The following RNF170 variants were observed in gnomAD, a reference collection of about 807,000 sequenced individuals.
RNF170 encodes ring finger protein 170, also known as E3 ubiquitin-protein ligase RNF170.
RNF170 carries 12 observed loss-of-function variants against 32.7 expected under a neutral mutation model. The observed-to-expected ratio is 0.37, with a 90% CI of 0.24 to 0.60. The LOEUF (loss-of-function observed/expected upper bound fraction) is 0.60. RNF170 is among the 20% of genes least tolerant of loss of function. The pLI is 0.72. For missense variants in RNF170, 212 were observed against 311.2 expected (o/e 0.68, Z 2.40); for synonymous variants, 91 against 103.6 (o/e 0.88, Z 0.74).
At position 42,854,182 on chromosome 8, in the gene RNF170, G is replaced by A; in HGVS notation, c.*1977C>T. ...AATTCGGATTCATGTCATCTCCACA[G>A]ACCTTTCCTCTTAGGAGTGCCTAAG... is the stretch of plus-strand genomic sequence containing the variant. On this transcript the variant is annotated 3_prime_UTR_variant, in exon 7 of 7. Coordinates refer to ENST00000527424, the MANE Select transcript of RNF170 (RefSeq NM_030954.4). 7.8e-7 allele frequency: 1 copy of A among 1,287,054 alleles called. No individual in the cohort carries two copies. The highest frequency in any genetic ancestry group is 1.0e-6 in the Non-Finnish European group (1 of 988,662). The allele number at this position is 1,287,054 out of a possible 1,614,324, so 79.7% of individuals were successfully genotyped here.
intron 2 of RNF170, among the ~76,000 whole-genome samples, chr8:42,875,396 C>G (rs139117125): frequency 1.3e-5 from 2 of 152,074 alleles, no homozygotes; most frequent in African/African-American, 4.8e-5. Flanking sequence ...ACTCTCATAT[C>G]CGAATGTGAT....
At chr8:42,895,979 A>C (rs1302570046) in intron 1 of RNF170, among the ~76,000 whole-genome samples, 1 of 152,194 alleles carries the variant, frequency 6.6e-6, no homozygotes, top group East Asian at 1.9e-4. Context: ...TGTATGTCGT[A>C]TGCACTTTTC....
upstream of RNF170, chr8:42,897,171 G>A: frequency 6.4e-6 from 8 of 1,248,690 alleles, 1 homozygote; most frequent in South Asian, 3.2e-4. Flanking sequence ...GGAGCTGTGC[G>A]AGAGCCTCCT....
At chr8:42,888,961 G>A (rs2128954331) in intron 1 of RNF170, among the ~76,000 whole-genome samples, 1 of 152,056 alleles carries the variant, frequency 6.6e-6, no homozygotes, top group East Asian at 1.9e-4. Flanking sequence ...TTTTCTGTAA[G>A]CATTCTCATA....
At chr8:42,857,153 G>A (rs187734084) in intron 6 of RNF170, among the ~76,000 whole-genome samples, 4 of 152,278 alleles carry the variant, frequency 2.6e-5, no homozygotes, top group African/African-American at 9.6e-5. Context: ...AGTCATACAC[G>A]CAAACTCTAG....
At chr8:42,880,423 T>A (rs1805298996) in intron 2 of RNF170, among the ~76,000 whole-genome samples, 1 of 152,190 alleles carries the variant, frequency 6.6e-6, no homozygotes. Context: ...TACAGAGAAA[T>A]CTTTTGTGAA....
rs1189122588 is a variant in RNF170 at position 42,861,746 on chromosome 8, G to C, written c.506C>G (p.Ser169Cys). ...TGAACATGCTTTAGCATTACTTACA[G>C]ATCTGGGTTGCCCTGAGAATCTCCG... Reference protein sequence around the residue: ...YNRRFSGQPRSIMERIMDLPT... With the variant: ...YNRRFSGQPRCIMERIMDLPT... Residue 169 changes from serine to cysteine, a missense_variant and splice_region_variant, in exon 6 of 7, where the codon TCT (serine) becomes TGT (cysteine). Ser to Cys is a moderately radical substitution (Grantham distance 112, BLOSUM62 -1). Coordinates refer to ENST00000527424, the MANE Select transcript of RNF170 (RefSeq NM_030954.4). 5 of 1,603,554 alleles carry C rather than the reference G, an allele frequency of 3.1e-6. No homozygotes were observed. The highest frequency in any genetic ancestry group is 1.1e-5 in the South Asian group (1 of 90,840).
intron 2 of RNF170, among the ~76,000 whole-genome samples, chr8:42,880,961 A>C (rs752606781): frequency 1.1e-4 from 16 of 152,010 alleles, no homozygotes; most frequent in Admixed American, 2.6e-4. Context: ...ATTGTTTATT[A>C]GACATAGTGC....
At position 42,865,493 on chromosome 8, in the gene RNF170, A is replaced by C. The variant is rs1468921726; in HGVS notation, c.323-4T>G. On this transcript the variant is annotated splice_polypyrimidine_tract_variant and splice_region_variant and intron_variant, in intron 4 of 6. Coordinates refer to ENST00000527424, the MANE Select transcript of RNF170 (RefSeq NM_030954.4). ...CAGTAAGCAATAATGCAGGCACCTA[A>C]TAGACAAAACAAAACAAACACATAA... The C allele has an allele frequency of 1.2e-6, 2 of 1,611,450 alleles. No homozygotes were observed. Among genetic ancestry groups the C allele is most frequent in the Non-Finnish European group, 1.7e-6 (2 of 1,177,702 alleles).
Position 42,855,573 on chromosome 8 carries a change from G to T in RNF170, c.*586C>A. 1.6e-6 allele frequency: 2 copies of T among 1,273,908 alleles called. No individual in the cohort carries two copies. The highest frequency in any genetic ancestry group is 2.0e-6 in the Non-Finnish European group (2 of 976,604). 78.9% of individuals were successfully genotyped at this position (1,273,908 alleles called of 1,614,324 possible). Reference sequence around the variant, plus strand: ...GTTCTGTAAACTAGAATATGATATCGAAGTATGAAGTTCAAGTTTCTTCTT... The same window carrying T: ...GTTCTGTAAACTAGAATATGATATCTAAGTATGAAGTTCAAGTTTCTTCTT... On this transcript the variant is annotated 3_prime_UTR_variant, in exon 7 of 7. Transcript: ENST00000527424.
At chr8:42,868,851 C>CAAAA (rs56822241) in intron 4 of RNF170, among the ~76,000 whole-genome samples, 1 of 73,744 alleles carries the variant, frequency 1.4e-5, no homozygotes, top group African/African-American at 4.9e-5. Flanking sequence ...GACTGCATTT[C>CAAAA]AAAAAAAAAA....
chr8:42,876,592 G>C (rs1020051948), intron 2 of RNF170, among the ~76,000 whole-genome samples: 1 of 150,994 alleles, frequency 6.6e-6, no homozygotes, highest in Non-Finnish European at 1.5e-5. Context: ...CCAGCCTCTC[G>C]AACTGTGAGA....
chr8:42,861,130 G>A (rs1430717842), intron 6 of RNF170, among the ~76,000 whole-genome samples: 2 of 152,180 alleles, frequency 1.3e-5, no homozygotes, highest in African/African-American at 4.8e-5. Context: ...GACAAATGGT[G>A]TTTTAGTATC....
chr8:42,887,933 TAAA>T, intron 1 of RNF170, 62 bp from the exon 2 acceptor site: 5 of 1,451,968 alleles, frequency 3.4e-6, no homozygotes, highest in Non-Finnish European at 4.8e-6. Context: ...AATATACTAA[TAAA>T]AGCAATGTAA....
chr8:42,879,678 CTT>C (rs879305808), intron 2 of RNF170, among the ~76,000 whole-genome samples: 1 of 146,128 alleles, frequency 6.8e-6, no homozygotes, highest in Non-Finnish European at 1.5e-5. Context: ...AATAAAATAA[CTT>C]TTTTTTTTTT....
At chr8:42,896,797 G>C (rs1336656672), upstream of RNF170, 2 of 147,922 alleles carry the variant, frequency 1.4e-5, no homozygotes, top group Admixed American at 1.4e-4. Context: ...CGGGTCGGCC[G>C]GGGCGCGAGC....
At chr8:42,856,738 C>T (rs1182509687) in intron 6 of RNF170, among the ~76,000 whole-genome samples, 2 of 152,060 alleles carry the variant, frequency 1.3e-5, no homozygotes, top group South Asian at 2.1e-4. Context: ...GAACCTAGCG[C>T]GCAGGATTAG....
intron 1 of RNF170, among the ~76,000 whole-genome samples, chr8:42,890,305 T>G (rs1408797483): frequency 2.0e-5 from 3 of 149,980 alleles, no homozygotes; most frequent in African/African-American, 7.4e-5. Flanking sequence ...TGAGACGGAG[T>G]CTTGCTCTGT....
At chr8:42,871,314 A>G (rs765102801) in intron 3 of RNF170, among the ~76,000 whole-genome samples, 13 of 152,218 alleles carry the variant, frequency 8.5e-5, no homozygotes, top group Non-Finnish European at 1.5e-4. Flanking sequence ...TGCTAGCATG[A>G]AAAATATCTA....
Sources: gnomAD v4.1 joint callset for allele counts (sites outside exome capture counted in the v4.1 genomes callset) on GRCh38, gnomAD v4.1.1 for gene constraint, MANE v1.5 for transcripts, NCBI Gene and HGNC (gene_info 2026-07-23, HGNC 2026-07-21) for gene names.